EGLN3: variants seen among roughly 807,000 people sequenced by gnomAD.
EGLN3 encodes the protein prolyl hydroxylase EGLN3.
A neutral mutation model predicts 26.0 loss-of-function variants in EGLN3; 15 were observed. That is an observed-to-expected ratio of 0.58 (90% CI 0.39 to 0.89). EGLN3 has a LOEUF of 0.89. EGLN3 is among the 40% of genes least tolerant of loss of function. The pLI, the probability that EGLN3 is intolerant of heterozygous loss-of-function variation, is 0.00. For missense variants in EGLN3, 238 were observed against 311.6 expected (o/e 0.76, Z 1.78); for synonymous variants, 147 against 127.2 (o/e 1.16, Z -1.05).
chr14:33,948,256 T>G (rs2064531535), intron 1 of EGLN3: 1 of 152,132 alleles, frequency 6.6e-6, no homozygotes, highest in Non-Finnish European at 1.5e-5. Flanking sequence ...ACTTTAATAA[T>G]GAACTTCAAA....
intron 1 of EGLN3, among the ~76,000 whole-genome samples, chr14:33,936,833 T>G (rs1457692571): frequency 7.1e-6 from 1 of 141,320 alleles, no homozygotes; most frequent in Non-Finnish European, 1.5e-5. Flanking sequence ...AAAAAAAAAA[T>G]CTAAAGACAA....
At position 33,941,345 on chromosome 14, in the gene EGLN3, G is replaced by A. The variant is rs537287935; in HGVS notation, c.357+9051C>T. ...GTCTCTGAGCCAGACCTGTAGGTATGAGCTGCCAGGATCCAGGTGTGACTC... is the reference window on the plus strand; with the variant it reads ...GTCTCTGAGCCAGACCTGTAGGTATAAGCTGCCAGGATCCAGGTGTGACTC... On this transcript the variant is annotated intron_variant, in intron 1 of 4. Transcript: ENST00000250457. 4.6e-5 allele frequency among the ~76,000 whole-genome samples: 7 copies of A among 152,078 alleles called. No homozygotes were observed. The South Asian group carries it at 1.5e-3, about 32-fold the overall frequency.
rs546965693 is a variant in EGLN3 at position 33,950,341 on chromosome 14, G to A, written c.357+55C>T. 32 of 1,536,484 alleles carry A rather than the reference G, an allele frequency of 2.1e-5. 1 individual carries two copies. In the South Asian group the frequency reaches 3.6e-4, roughly 17 times the overall value. On this transcript the variant is annotated intron_variant, in intron 1 of 4. Transcript: ENST00000250457. ...GGGAAGTCGACATACAACGGACTCC[G>A]AGTGCCTCCCGTCCCCGCGGGAGCA...
intron 1 of EGLN3, 58 bp downstream of exon 1, chr14:33,950,338 T>C (rs768411762): frequency 6.6e-7 from 1 of 1,525,690 alleles, no homozygotes; most frequent in Non-Finnish European, 9.1e-7. Context: ...TACAACGGAC[T>C]CCGAGTGCCT....
At chr14:33,931,757 T>G (rs1353766370) in intron 1 of EGLN3, among the ~76,000 whole-genome samples, 4 of 152,164 alleles carry the variant, frequency 2.6e-5, no homozygotes, top group Non-Finnish European at 5.9e-5. Flanking sequence ...ATAGAAAGAA[T>G]AGAGGAAGAT....
At chr14:33,936,316 C>T (rs980304911) in intron 1 of EGLN3, among the ~76,000 whole-genome samples, 15 of 152,134 alleles carry the variant, frequency 9.9e-5, no homozygotes, top group Admixed American at 8.5e-4. Context: ...CCAAGCAACT[C>T]ATCACAATGT....
At position 33,950,213 on chromosome 14, in the gene EGLN3, G is replaced by C. The variant is rs541850959; in HGVS notation, c.357+183C>G. The C allele has an allele frequency of 6.9e-5, 44 of 638,018 alleles. No homozygotes were observed. In the Middle Eastern group the frequency reaches 2.4e-3, roughly 35 times the overall value. 39.5% of individuals were successfully genotyped at this position (638,018 alleles called of 1,614,324 possible). ...TGGTTCACCTGAGCCCCTTAACGTT[G>C]ACTTTCGCTCAGAGGAGCTGGGGCG... On this transcript the variant is annotated intron_variant, in intron 1 of 4. Transcript: ENST00000250457.
chr14:33,936,261 A>G (rs2064442271), intron 1 of EGLN3, among the ~76,000 whole-genome samples: 1 of 152,172 alleles, frequency 6.6e-6, no homozygotes, highest in Non-Finnish European at 1.5e-5. Context: ...AAGAGTTGGG[A>G]GGAAATACAT....
chr14:33,950,112 G>T (rs2064546416), intron 1 of EGLN3: 2 of 590,636 alleles, frequency 3.4e-6, no homozygotes, highest in Non-Finnish European at 3.0e-6. Context: ...CTTAAAATCG[G>T]ACCACAGCCA....
At chr14:33,926,742 T>C (rs567559416) in intron 4 of EGLN3, among the ~76,000 whole-genome samples, 4 of 152,202 alleles carry the variant, frequency 2.6e-5, no homozygotes, top group South Asian at 2.1e-4. Context: ...TAAACCATCA[T>C]ACATTCAGTG....
In EGLN3 at chr14:33,944,025, CAAATA is replaced by C. The variant is rs536398394; in HGVS notation, c.357+6366_357+6370del. 3.0e-3 allele frequency among the ~76,000 whole-genome samples: 451 copies of C among 152,236 alleles called. 2 individuals are homozygous for C. The highest frequency in any genetic ancestry group is 0.01 in the African/African-American group (428 of 41,540). On this transcript the variant is annotated intron_variant, in intron 1 of 4. Coordinates refer to ENST00000250457, the MANE Select transcript of EGLN3 (RefSeq NM_022073.4). ...CAGTCAGAATTATATTTAAAATTCC[CAAATA>C]AAATGGTGATGCCACTGAATTAACC...
intron 3 of EGLN3, among the ~76,000 whole-genome samples, chr14:33,927,994 C>A (rs570104109): frequency 1.8e-4 from 27 of 152,050 alleles, no homozygotes; most frequent in Middle Eastern, 6.8e-3. Flanking sequence ...TTAGCTACTT[C>A]CGTAGCTAAC....
At chr14:33,944,580 T>C (rs1037975623) in intron 1 of EGLN3, among the ~76,000 whole-genome samples, 1 of 152,228 alleles carries the variant, frequency 6.6e-6, no homozygotes, top group African/African-American at 2.4e-5. Flanking sequence ...ATTAACATCC[T>C]GTATAGTTTT....
intron 1 of EGLN3, among the ~76,000 whole-genome samples, chr14:33,943,988 T>TTGA (rs1477263474): frequency 6.6e-6 from 1 of 152,174 alleles, no homozygotes; most frequent in African/African-American, 2.4e-5. Context: ...CTTAAGGGTG[T>TTGA]TTATCAATTT....
Position 33,930,489 on chromosome 14 carries a change from G to A in EGLN3, c.477+607C>T, listed in dbSNP as rs529372182. 7.2e-5 allele frequency among the ~76,000 whole-genome samples: 11 copies of A among 152,248 alleles called. No individual in the cohort carries two copies. In the East Asian group the frequency reaches 9.7e-4, roughly 13 times the overall value. ...GACTCCTAAATCATTCTTAACTTTC[G>A]GAAAGCATACAGAGTCCAGATGAAT... is the stretch of plus-strand genomic sequence containing the variant. On this transcript the variant is annotated intron_variant, in intron 2 of 4. Transcript: ENST00000250457.
intron 1 of EGLN3, among the ~76,000 whole-genome samples, chr14:33,937,591 C>A (rs1444628873): frequency 6.6e-6 from 1 of 152,202 alleles, no homozygotes; most frequent in Non-Finnish European, 1.5e-5. Flanking sequence ...CAGACAAATA[C>A]CTGTCAGGTA....
chr14:33,941,552 T>TC (rs200881987), intron 1 of EGLN3, among the ~76,000 whole-genome samples: 6 of 137,328 alleles, frequency 4.4e-5, no homozygotes, highest in African/African-American at 1.3e-4. Context: ...TTCCCCTCTA[T>TC]CCCCCCCAAA....
rs1046901042 is a variant in EGLN3 at position 33,941,033 on chromosome 14, A to G, written c.357+9363T>C. ...CTTCTCAAATGGAAATGTCATCTCA[A>G]TGTTAATTCCTTATAATCCTAGAAG... On this transcript the variant is annotated intron_variant, in intron 1 of 4. Coordinates refer to ENST00000250457, the MANE Select transcript of EGLN3 (RefSeq NM_022073.4). 3.0e-4 allele frequency among the ~76,000 whole-genome samples: 46 copies of G among 152,178 alleles called. 1 individual carries two copies. Among genetic ancestry groups the G allele is most frequent in the Non-Finnish European group, 8.8e-5 (6 of 68,016 alleles).
intron 1 of EGLN3, among the ~76,000 whole-genome samples, chr14:33,943,683 T>C (rs12885361): frequency 0.18 from 27,455 of 152,174 alleles, 3,021 homozygotes; most frequent in South Asian, 0.31. Flanking sequence ...CCAAGCTTTA[T>C]CCGGAAGTAC....
Sources: allele counts gnomAD v4.1 joint callset (sites outside exome capture counted in the v4.1 genomes callset), GRCh38; gene constraint gnomAD v4.1.1; transcripts MANE v1.5; gene names NCBI Gene and HGNC (gene_info 2026-07-23, HGNC 2026-07-21).